Variants in SYNE1 observed in about 807,000 individuals in gnomAD.
SYNE1 encodes spectrin repeat containing nuclear envelope protein 1, also known as nesprin-1.
SYNE1 carries 616 observed loss-of-function variants against 1,111.0 expected under a neutral mutation model. That is an observed-to-expected ratio of 0.55 (90% CI 0.52 to 0.59). The LOEUF (loss-of-function observed/expected upper bound fraction) is 0.59, where lower values mean the gene tolerates loss of function less well. Ranked by LOEUF, SYNE1 falls within the 20% of genes least tolerant of loss-of-function variation. The probability of loss-of-function intolerance (pLI) is 0.00; values close to 1 mark genes in which losing one functional copy is unlikely to be tolerated. For missense variants in SYNE1, 10,006 were observed against 10,417.0 expected (o/e 0.96, Z 1.72); for synonymous variants, 3,855 against 3,825.8 (o/e 1.01, Z -0.28).
At chr6:152,551,135 G>A (rs571033768) in intron 3 of SYNE1, among the ~76,000 whole-genome samples, 11 of 152,178 alleles carry the variant, frequency 7.2e-5, no homozygotes, top group East Asian at 1.9e-4. Context: ...GACAATGATC[G>A]GATAGTAAAG....
rs181233025 is a variant in SYNE1, at chr6:152,140,488, C to A, written c.25247-327G>T. On this transcript the variant is annotated intron_variant, in intron 139 of 145. Coordinates refer to ENST00000367255, the MANE Select transcript of SYNE1 (RefSeq NM_182961.4). Reference sequence around the variant, plus strand: ...CCTGTCTACAATAGGGCTCTGAGCACACACATATAAAATGCCTGATTAGAT... The same window carrying A: ...CCTGTCTACAATAGGGCTCTGAGCAAACACATATAAAATGCCTGATTAGAT... Among the ~76,000 whole-genome samples, 519 of 152,196 alleles carry A rather than the reference C, an allele frequency of 3.4e-3. 4 individuals carry two copies. Among genetic ancestry groups the A allele is most frequent in the South Asian group, 7.9e-3 (38 of 4,812 alleles).
intron 14 of SYNE1, 70 bp from the exon 15 acceptor site, chr6:152,472,483 C>T (rs1011489084): frequency 1.5e-6 from 2 of 1,364,852 alleles, no homozygotes; most frequent in Non-Finnish European, 2.1e-6. Flanking sequence ...AGCATAATTT[C>T]CAGCCCGCAC....
At chr6:152,328,008 T>C (rs901143900) in intron 78 of SYNE1, among the ~76,000 whole-genome samples, 3 of 152,232 alleles carry the variant, frequency 2.0e-5, no homozygotes, top group African/African-American at 7.2e-5. Flanking sequence ...TTTTACTATT[T>C]AAAGTGTTAA....
chr6:152,548,187 T>G (rs913077118), intron 3 of SYNE1, among the ~76,000 whole-genome samples: 13 of 152,282 alleles, frequency 8.5e-5, no homozygotes, highest in African/African-American at 3.1e-4. Context: ...GGGCACAGAA[T>G]GCACTACAGA....
chr6:152,606,673 A>G (rs967686108), intron 3 of SYNE1, among the ~76,000 whole-genome samples: 1 of 138,888 alleles, frequency 7.2e-6, no homozygotes, highest in Non-Finnish European at 1.6e-5. Context: ...TTTGAGACGG[A>G]GCCTGGCTCT....
intron 4 of SYNE1, among the ~76,000 whole-genome samples, chr6:152,532,318 C>T (rs1594804095): frequency 6.6e-6 from 1 of 152,296 alleles, no homozygotes; most frequent in East Asian, 1.9e-4. Flanking sequence ...CATTTGCCAT[C>T]ATCCATAATC....
intron 74 of SYNE1, among the ~76,000 whole-genome samples, chr6:152,339,576 C>T (rs529532706): frequency 2.0e-5 from 3 of 152,302 alleles, no homozygotes; most frequent in Admixed American, 1.3e-4. Flanking sequence ...TTTGCTTCTC[C>T]TTGTAAGTAA....
chr6:152,430,726 G>A lies in SYNE1; in HGVS notation c.4462-17C>T, dbSNP rs1563967707. On this transcript the variant is annotated splice_polypyrimidine_tract_variant and intron_variant, in intron 34 of 145. Coordinates refer to ENST00000367255, the MANE Select transcript of SYNE1 (RefSeq NM_182961.4). Reference sequence around the variant, plus strand: ...AATTGTGACCTAATAGTTAAAACAAGAAAAATGACAATGTAGGCTGAGCAA... The same window carrying A: ...AATTGTGACCTAATAGTTAAAACAAAAAAAATGACAATGTAGGCTGAGCAA... 1 of 1,609,670 alleles carries A rather than the reference G, an allele frequency of 6.2e-7. No individual in the cohort carries two copies. Among genetic ancestry groups the A allele is most frequent in the Non-Finnish European group, 8.5e-7 (1 of 1,176,342 alleles).
At chr6:152,577,368 C>T (rs1014852717) in intron 3 of SYNE1, among the ~76,000 whole-genome samples, 7 of 152,144 alleles carry the variant, frequency 4.6e-5, no homozygotes, top group African/African-American at 1.4e-4. Flanking sequence ...CGCGGTGGCT[C>T]GCACCTGTAA....
At chr6:152,563,245 G>A (rs946987430) in intron 3 of SYNE1, among the ~76,000 whole-genome samples, 1 of 151,970 alleles carries the variant, frequency 6.6e-6, no homozygotes, top group African/African-American at 2.4e-5. Context: ...CTTTCACCAA[G>A]GGAACTTCCA....
Position 152,186,867 on chromosome 6 carries a change from C to T in SYNE1, c.23301+2385G>A, listed in dbSNP as rs138767581. ...AAAAACAGATGAATGGGCTCACAAA[C>T]GTAACTGAAGGTTGCTGTGATAATT... On this transcript the variant is annotated intron_variant, in intron 128 of 145. Transcript: ENST00000367255. 2.0e-4 allele frequency among the ~76,000 whole-genome samples: 31 copies of T among 152,278 alleles called. 1 individual carries two copies. In the East Asian group the frequency reaches 5.6e-3, roughly 27 times the overall value.
chr6:152,160,580 T>C (rs2062277013), intron 131 of SYNE1, among the ~76,000 whole-genome samples: 1 of 152,208 alleles, frequency 6.6e-6, no homozygotes, highest in African/African-American at 2.4e-5. Context: ...TAGTAGTACG[T>C]AGCCTGTGTA....
intron 3 of SYNE1, among the ~76,000 whole-genome samples, chr6:152,547,668 C>G (rs12210547): frequency 6.6e-6 from 1 of 152,052 alleles, no homozygotes; most frequent in Non-Finnish European, 1.5e-5. Context: ...AGTAAGAAAA[C>G]GCTTCAGGGT....
intron 8 of SYNE1, among the ~76,000 whole-genome samples, chr6:152,506,925 T>C (rs1164201495): frequency 6.6e-6 from 1 of 152,148 alleles, no homozygotes; most frequent in African/African-American, 2.4e-5. Flanking sequence ...TTAAAACATG[T>C]TTTACCAATG....
In SYNE1 at chr6:152,318,242, C is replaced by T. The variant is rs778424548; in HGVS notation, c.16411G>A (p.Gly5471Ser). Residue 5471 changes from glycine to serine, a missense_variant, in exon 86 of 146, where the codon GGC (glycine) becomes AGC (serine). By Grantham distance (56) the Gly-to-Ser change is moderately conservative. Around this residue, in one of 7 missense-constraint regions of SYNE1, gnomAD observed 4,955 missense variants for 5,017.2 expected, o/e 0.99. Transcript: ENST00000367255. The stretch of plus-strand genomic sequence containing the variant: ...AATTCCATTAACTTTGAATTACAGC[C>T]ATCTAATTCCTCTCCCAGCACCTTG... Reference protein sequence around the residue: ...DQKVLGEELDGCNSKLMELDA... With the variant: ...DQKVLGEELDSCNSKLMELDA... 2.5e-6 allele frequency: 4 copies of T among 1,614,000 alleles called. No homozygotes were observed. Among genetic ancestry groups the T allele is most frequent in the Non-Finnish European group, 3.4e-6 (4 of 1,180,044 alleles).
chr6:152,416,301 A>G (rs187710363), intron 41 of SYNE1, 86 bp downstream of exon 41: 17 of 1,573,754 alleles, frequency 1.1e-5, no homozygotes, highest in Middle Eastern at 3.3e-4. Flanking sequence ...TTCCTTGAAC[A>G]GTACTAATAA....
At position 152,269,144 on chromosome 6, in the gene SYNE1, A is replaced by G; in HGVS notation, c.18705+11T>C. 1.2e-6 allele frequency: 2 copies of G among 1,614,190 alleles called. No individual in the cohort carries two copies. Among genetic ancestry groups the G allele is most frequent in the Non-Finnish European group, 8.5e-7 (1 of 1,180,042 alleles). ...GATCTGCAAGCTAGAGAGAGGTAGG[A>G]AACACTTTACTTTTTGTTGCTGGAG... On this transcript the variant is annotated intron_variant, in intron 99 of 145. Transcript: ENST00000367255.
chr6:152,244,882 A>G (rs1163511787), intron 105 of SYNE1, among the ~76,000 whole-genome samples: 1 of 152,206 alleles, frequency 6.6e-6, no homozygotes, highest in East Asian at 1.9e-4. Context: ...ACAGATAATG[A>G]GGCAGGAGAA....
chr6:152,155,851 G>A (rs1399853294), intron 132 of SYNE1, 59 bp downstream of exon 132: 1 of 1,600,498 alleles, frequency 6.2e-7, no homozygotes, highest in Non-Finnish European at 8.5e-7. Flanking sequence ...TACTCTGGGT[G>A]ATTTTTATTT....
Sources: gnomAD v4.1 joint callset for allele counts (sites outside exome capture counted in the v4.1 genomes callset) on GRCh38, gnomAD v4.1.1 for gene constraint, gnomAD v4.1.1 regional missense constraint, MANE v1.5 for transcripts, NCBI Gene and HGNC (gene_info 2026-07-23, HGNC 2026-07-21) for gene names.